Variants in RPS6KA3 observed in about 807,000 individuals in gnomAD.
The protein encoded by RPS6KA3 is ribosomal protein S6 kinase alpha-3.
Under a neutral mutation model 67.2 loss-of-function variants are expected in RPS6KA3, and 4 were observed. The observed-to-expected ratio is 0.06, with a 90% CI of 0.03 to 0.14. RPS6KA3 has a LOEUF of 0.14. Among genes scored for constraint, RPS6KA3 ranks in the 10% least tolerant of loss-of-function variants. The pLI, the probability that RPS6KA3 is intolerant of heterozygous loss-of-function variation, is 1.00. For synonymous variants in RPS6KA3, 182 were observed against 183.7 expected (o/e 0.99, Z 0.07); for missense variants, 204 against 559.0 (o/e 0.36, Z 6.40).
chrX:20,163,865 C>T (rs766703153), intron 18 of RPS6KA3, among the ~76,000 whole-genome samples: 50 of 111,764 alleles, frequency 4.5e-4, no homozygotes, highest in South Asian at 3.7e-4. Context: ...GACAGGGTTT[C>T]GCCATGTTGC....
At position 20,169,301 on chromosome X, in the gene RPS6KA3, A is replaced by G. The variant is rs1374970741; in HGVS notation, c.1443+101T>C. The G allele has an allele frequency of 4.9e-6, 3 of 610,763 alleles. No individual in the cohort carries two copies. The Admixed American group carries it at 6.7e-5, about 14-fold the overall frequency. The allele number at this position is 610,763 out of a possible 1,213,427, so 50.3% of individuals were successfully genotyped here. ...AGGCGTGGGCCACTGTGCCCAGCCT[A>G]TGATGAGTTCTTTGTCTACCACATG... On this transcript the variant is annotated intron_variant, in intron 16 of 21. Transcript: ENST00000379565.
intron 1 of RPS6KA3, among the ~76,000 whole-genome samples, chrX:20,240,235 C>T (rs1178931191): frequency 3.8e-5 from 4 of 104,447 alleles, no homozygotes; most frequent in African/African-American, 1.4e-4. Context: ...ATCCAGAGCC[C>T]TAGTATATTA....
At chrX:20,244,164 T>C (rs1048415035) in intron 1 of RPS6KA3, among the ~76,000 whole-genome samples, 1 of 111,932 alleles carries the variant, frequency 8.9e-6, no homozygotes, top group African/African-American at 3.3e-5. Flanking sequence ...GTTTTCAACT[T>C]ATAAGTTTCT....
At position 20,154,462 on chromosome X, in the gene RPS6KA3, G is replaced by A. The variant is rs138386284; in HGVS notation, c.*936C>T. ...ACCATGACTCTTAAAGGGCTTTGAC[G>A]TATATTGGCAAAATCCCAGATGATA... On this transcript the variant is annotated 3_prime_UTR_variant, in exon 22 of 22. Transcript: ENST00000379565. 0.011 allele frequency: 1,213 copies of A among 112,287 alleles called. 6 individuals are homozygous for A. The highest frequency in any genetic ancestry group is 0.019 in the Middle Eastern group (4 of 216). The allele number at this position is 112,287 out of a possible 1,213,427, so 9.3% of individuals were successfully genotyped here. A position where few individuals can be genotyped will look rare whatever the true frequency, so the allele number is the denominator to read the frequency against.
At chrX:20,196,211 G>A in intron 4 of RPS6KA3, among the ~76,000 whole-genome samples, 1 of 112,976 alleles carries the variant, frequency 8.9e-6, no homozygotes, top group East Asian at 2.8e-4. Context: ...AAACAGGAAG[G>A]AACCAAATGA....
chrX:20,159,946 G>A (rs1163474265), intron 20 of RPS6KA3, among the ~76,000 whole-genome samples: 1 of 111,389 alleles, frequency 9.0e-6, no homozygotes, highest in East Asian at 2.8e-4. Context: ...GGGTTCATCA[G>A]CTATCCTCTC....
chrX:20,261,678 C>A (rs1397182503), intron 1 of RPS6KA3, among the ~76,000 whole-genome samples: 1 of 112,461 alleles, frequency 8.9e-6, no homozygotes, highest in Admixed American at 9.4e-5. Context: ...CAGACACACA[C>A]ACATTTGCGT....
chrX:20,256,833 T>C (rs1375198873), intron 1 of RPS6KA3, among the ~76,000 whole-genome samples: 1 of 111,960 alleles, frequency 8.9e-6, no homozygotes, highest in African/African-American at 3.3e-5. Flanking sequence ...CATACATACA[T>C]ATATTTATAT....
intron 4 of RPS6KA3, among the ~76,000 whole-genome samples, chrX:20,200,748 T>C (rs2068408693): frequency 9.0e-6 from 1 of 111,621 alleles, no homozygotes; most frequent in African/African-American, 3.3e-5. Flanking sequence ...AGTACAGTGG[T>C]GCAATCAAAG....
chrX:20,187,806 A>C (rs1190748225), intron 9 of RPS6KA3, 22 bp downstream of exon 9: 3 of 1,193,493 alleles, frequency 2.5e-6, no homozygotes, highest in Non-Finnish European at 2.3e-6. Context: ...CCCCTCTAAA[A>C]AATCCCAAAT....
intron 7 of RPS6KA3, among the ~76,000 whole-genome samples, chrX:20,191,442 CCA>C (rs1172707841): frequency 9.0e-6 from 1 of 111,594 alleles, no homozygotes; most frequent in East Asian, 2.8e-4. Context: ...TGAGGAATCG[CCA>C]CACTGTCTTC....
chrX:20,225,237 TTTTTTG>T (rs1420325645), intron 2 of RPS6KA3, among the ~76,000 whole-genome samples: 8 of 92,448 alleles, frequency 8.7e-5, no homozygotes, highest in African/African-American at 3.0e-4. Context: ...GAGGTTTTTT[TTTTTTG>T]TTTTTTTTTT....
At chrX:20,208,022 T>C (rs908918117) in intron 3 of RPS6KA3, among the ~76,000 whole-genome samples, 2 of 111,674 alleles carry the variant, frequency 1.8e-5, no homozygotes, top group Non-Finnish European at 3.8e-5. Context: ...AGACCAGTGA[T>C]CCCCAACCTT....
intron 7 of RPS6KA3, among the ~76,000 whole-genome samples, chrX:20,189,647 C>T (rs2068074496): frequency 8.9e-6 from 1 of 112,149 alleles, no homozygotes; most frequent in South Asian, 3.6e-4. Flanking sequence ...ATGGCAAAAA[C>T]TGCAATTGCT....
chrX:20,177,805 C>T (rs1463207384), intron 10 of RPS6KA3, among the ~76,000 whole-genome samples: 1 of 112,156 alleles, frequency 8.9e-6, no homozygotes, highest in Non-Finnish European at 1.9e-5. Flanking sequence ...GTTTCATATG[C>T]CACTTTTTCC....
At chrX:20,161,524 G>A in intron 20 of RPS6KA3, 120 bp downstream of exon 20, 2 of 273,018 alleles carry the variant, frequency 7.3e-6, no homozygotes, top group Non-Finnish European at 1.4e-5. Context: ...CAAATTATTT[G>A]TTAACATCAG....
At chrX:20,246,035 T>C (rs1312357278) in intron 1 of RPS6KA3, among the ~76,000 whole-genome samples, 1 of 107,870 alleles carries the variant, frequency 9.3e-6, no homozygotes, top group Non-Finnish European at 1.9e-5. Context: ...GAAGAATCAC[T>C]TTAACCTGGG....
chrX:20,266,513 C>CG, intron 1 of RPS6KA3, 51 bp downstream of exon 1: 1 of 1,021,892 alleles, frequency 9.8e-7, no homozygotes, highest in Non-Finnish European at 1.3e-6. Context: ...AGCGAGCCGG[C>CG]GGGGGCGCGA....
chrX:20,171,474 C>T (rs756293420), intron 15 of RPS6KA3, among the ~76,000 whole-genome samples: 9 of 111,746 alleles, frequency 8.1e-5, no homozygotes, highest in Non-Finnish European at 1.1e-4. Flanking sequence ...CTTTTGAAAA[C>T]CAGAACACAC....
Sources: allele counts gnomAD v4.1 joint callset (sites outside exome capture counted in the v4.1 genomes callset), GRCh38; gene constraint gnomAD v4.1.1; transcripts MANE v1.5; gene names NCBI Gene and HGNC (gene_info 2026-07-23, HGNC 2026-07-21).